The following SEMA3A variants were observed in gnomAD, a reference collection of about 807,000 sequenced individuals.
SEMA3A encodes the protein semaphorin-3A.
SEMA3A carries 29 observed loss-of-function variants against 97.9 expected under a neutral mutation model. The ratio of observed to expected loss-of-function variants is 0.30; its 90% CI spans 0.22 to 0.40. The LOEUF is 0.40. Ranked by LOEUF, SEMA3A falls within the 10% of genes least tolerant of loss-of-function variation. SEMA3A has a pLI of 1.00. For synonymous variants in SEMA3A, 321 were observed against 323.7 expected, an observed-to-expected ratio of 0.99 and a Z score of 0.09; for missense variants, 763 against 951.3, an observed-to-expected ratio of 0.80 and a Z score of 2.60.
At chr7:84,456,922 C>G (rs1805701104) in intron 1 of SEMA3A, among the ~76,000 whole-genome samples, 1 of 151,580 alleles carries the variant, frequency 6.6e-6, no homozygotes, top group African/African-American at 2.4e-5. Context: ...CTAATGGACC[C>G]TAAGTTACTT....
intron 2 of SEMA3A, among the ~76,000 whole-genome samples, chr7:84,333,245 T>C (rs963774634): frequency 7.9e-5 from 12 of 152,134 alleles, no homozygotes; most frequent in African/African-American, 2.4e-4. Context: ...GAGATCTCCA[T>C]TGATGCTCCC....
intron 4 of SEMA3A, among the ~76,000 whole-genome samples, chr7:84,062,258 C>T (rs1793249988): frequency 6.6e-6 from 1 of 152,080 alleles, no homozygotes; most frequent in Admixed American, 6.5e-5. Context: ...TTATATACAT[C>T]ACTAAATTAC....
At chr7:84,369,899 G>C (rs117948855) in intron 2 of SEMA3A, among the ~76,000 whole-genome samples, 2,298 of 150,662 alleles carry the variant, frequency 0.015, 28 homozygotes, top group Non-Finnish European at 0.025. Context: ...TATCAACTGA[G>C]ATGATTCAGA....
chr7:84,020,795 T>C (rs1791299873), intron 6 of SEMA3A, among the ~76,000 whole-genome samples: 1 of 152,170 alleles, frequency 6.6e-6, no homozygotes, highest in South Asian at 2.1e-4. Flanking sequence ...TCCTTATTAT[T>C]TTACAGTAAT....
chr7:84,249,430 A>G (rs916719143), intron 3 of SEMA3A, among the ~76,000 whole-genome samples: 10 of 121,524 alleles, frequency 8.2e-5, no homozygotes, highest in Non-Finnish European at 1.8e-4. Flanking sequence ...ATCTACATAT[A>G]TATAGATATA....
chr7:84,060,435 T>G, intron 5 of SEMA3A, 30 bp downstream of exon 5: 2 of 1,368,868 alleles, frequency 1.5e-6, no homozygotes, highest in Non-Finnish European at 2.0e-6. Flanking sequence ...TATAGAAAAC[T>G]CACTATTTAA....
chr7:84,321,890 AAAAAAAAAAGAAG>A (rs1284563627), intron 2 of SEMA3A, among the ~76,000 whole-genome samples: 11 of 122,768 alleles, frequency 9.0e-5, no homozygotes, highest in African/African-American at 3.1e-4. Flanking sequence ...AAAAAAAAAA[AAAAAAAAAAGAAG>A]AAGAAGAAGG....
intron 1 of SEMA3A, among the ~76,000 whole-genome samples, chr7:84,161,223 G>A (rs949648384): frequency 6.6e-6 from 1 of 151,758 alleles, no homozygotes; most frequent in African/African-American, 2.4e-5. Context: ...AATTAGCCAG[G>A]TGTTGTGGCG....
intron 3 of SEMA3A, among the ~76,000 whole-genome samples, chr7:84,216,461 T>G (rs1441017914): frequency 6.6e-6 from 1 of 152,142 alleles, no homozygotes; most frequent in African/African-American, 2.4e-5. Flanking sequence ...ATTAGGATAT[T>G]AAGAATCTAT....
chr7:84,203,524 ATAT>A (rs1427236095), intron 3 of SEMA3A, among the ~76,000 whole-genome samples: 1 of 43,040 alleles, frequency 2.3e-5, no homozygotes, highest in East Asian at 8.8e-4. Flanking sequence ...ATATATATAT[ATAT>A]TTTTTTTTTT....
chr7:83,971,241 G>A (rs1177642566), intron 15 of SEMA3A, among the ~76,000 whole-genome samples: 3 of 151,920 alleles, frequency 2.0e-5, no homozygotes, highest in East Asian at 3.9e-4. Flanking sequence ...CCTGACCAAC[G>A]TGATGAAACT....
intron 1 of SEMA3A, among the ~76,000 whole-genome samples, chr7:84,190,508 G>T (rs1281806684): frequency 3.3e-5 from 5 of 151,378 alleles, no homozygotes; most frequent in African/African-American, 1.2e-4. Context: ...CTCTATGCAT[G>T]TGTGTATGTA....
chr7:84,210,059 G>A (rs753098508), intron 3 of SEMA3A, among the ~76,000 whole-genome samples: 2 of 152,096 alleles, frequency 1.3e-5, no homozygotes, highest in East Asian at 1.9e-4. Flanking sequence ...TTCACATAGC[G>A]AAAGAAAACC....
intron 1 of SEMA3A, among the ~76,000 whole-genome samples, chr7:84,429,528 A>ATATATATATAT (rs72411351): frequency 3.4e-5 from 4 of 116,394 alleles, no homozygotes; most frequent in Non-Finnish European, 6.8e-5. Flanking sequence ...ATATATATAT[A>ATATATATATAT]TATATATATA....
chr7:84,297,276 C>T (rs573132782), intron 3 of SEMA3A, among the ~76,000 whole-genome samples: 8 of 151,968 alleles, frequency 5.3e-5, no homozygotes, highest in African/African-American at 1.2e-4. Flanking sequence ...CGTGCCCAGC[C>T]GAGTTTTTAA....
At chr7:84,414,608 T>G (rs976264051) in intron 1 of SEMA3A, among the ~76,000 whole-genome samples, 1 of 152,090 alleles carries the variant, frequency 6.6e-6, no homozygotes, top group Non-Finnish European at 1.5e-5. Context: ...CGTGTAGTAT[T>G]CTTGTCAAAG....
At chr7:84,255,793 G>A (rs1799706343) in intron 3 of SEMA3A, among the ~76,000 whole-genome samples, 1 of 150,532 alleles carries the variant, frequency 6.6e-6, no homozygotes, top group African/African-American at 2.4e-5. Flanking sequence ...GAAACACTCG[G>A]CACTGATTTT....
chr7:84,312,897 TATATATATATATATATATATATATACAC>T (rs1259658046), intron 2 of SEMA3A, among the ~76,000 whole-genome samples: 21 of 61,384 alleles, frequency 3.4e-4, no homozygotes, highest in South Asian at 1.4e-3. Flanking sequence ...TATATATATA[TATATATATATATATATATATATATACAC>T]ACACACACAC....
intron 3 of SEMA3A, among the ~76,000 whole-genome samples, chr7:84,293,350 CT>C (rs957294682): frequency 2.0e-5 from 3 of 151,898 alleles, no homozygotes; most frequent in African/African-American, 7.2e-5. Flanking sequence ...TCATATTTGC[CT>C]TTTGATTGAT....
Sources: gnomAD v4.1 joint callset for allele counts (sites outside exome capture counted in the v4.1 genomes callset) on GRCh38, gnomAD v4.1.1 for gene constraint, MANE v1.5 for transcripts, NCBI Gene and HGNC (gene_info 2026-07-23, HGNC 2026-07-21) for gene names.